The following TIAM2 variants were observed in gnomAD, a reference collection of about 807,000 sequenced individuals.
TIAM2 encodes the protein TIAM Rac1 associated GEF 2, also known as rho guanine nucleotide exchange factor TIAM2.
In TIAM2, 80 loss-of-function variants were observed where a neutral mutation model predicts 152.9. The ratio of observed to expected loss-of-function variants is 0.52; its 90% CI spans 0.44 to 0.63. The LOEUF (loss-of-function observed/expected upper bound fraction) is 0.63. Ranked by LOEUF, TIAM2 falls within the 30% of genes least tolerant of loss-of-function variation. TIAM2 has a pLI of 0.00. For synonymous variants in TIAM2, 804 were observed against 838.0 expected (o/e 0.96, Z 0.70); for missense variants, 1,965 against 2,120.1 (o/e 0.93, Z 1.44).
intron 1 of TIAM2, among the ~76,000 whole-genome samples, chr6:155,082,044 GATA>G (rs1778073246): frequency 6.6e-6 from 1 of 152,118 alleles, no homozygotes; most frequent in Non-Finnish European, 1.5e-5. Context: ...TAAAGAAAAG[GATA>G]ATATCGTACT....
At position 155,130,487 on chromosome 6, in the gene TIAM2, G is replaced by A. The variant is rs1042165702; in HGVS notation, c.1194+70G>A. The A allele has an allele frequency of 1.2e-5, 17 of 1,431,612 alleles. No individual in the cohort carries two copies. The African/African-American group carries it at 2.4e-4, about 21-fold the overall frequency. 88.7% of individuals were successfully genotyped at this position (1,431,612 alleles called of 1,614,324 possible). A position where few individuals can be genotyped will look rare whatever the true frequency, so the allele number is the denominator to read the frequency against. ...CACCTGGAGAAGGGGAAGGTTAGTA[G>A]AAGCCACCATAGAGTGTTGTCGGGG... On this transcript the variant is annotated intron_variant, in intron 4 of 26. Transcript: ENST00000682666.
intron 4 of TIAM2, among the ~76,000 whole-genome samples, chr6:155,135,748 A>G (rs1045829223): frequency 2.0e-5 from 3 of 152,144 alleles, no homozygotes; most frequent in East Asian, 1.9e-4. Context: ...CCTGTGTTTG[A>G]TTTTTGTGTT....
chr6:155,054,797 C>T (rs546068094), intron 1 of TIAM2, among the ~76,000 whole-genome samples: 10 of 152,066 alleles, frequency 6.6e-5, no homozygotes, highest in East Asian at 1.9e-4. Flanking sequence ...AAGGTTGTGT[C>T]GGTTTGTTGT....
chr6:155,184,833 C>T (rs190938377), intron 14 of TIAM2, among the ~76,000 whole-genome samples: 10 of 152,158 alleles, frequency 6.6e-5, no homozygotes, highest in African/African-American at 2.4e-4. Flanking sequence ...GGACTATTGG[C>T]ATATAAAAGT....
intron 9 of TIAM2, among the ~76,000 whole-genome samples, chr6:155,169,486 A>G (rs1037914262): frequency 1.3e-5 from 2 of 152,200 alleles, no homozygotes; most frequent in Non-Finnish European, 2.9e-5. Flanking sequence ...TGAAGTCATA[A>G]TAATATCTTT....
chr6:155,021,186 A>T lies in TIAM2; in HGVS notation c.-209+25694A>T, dbSNP rs377188758. The stretch of plus-strand genomic sequence containing the variant: ...GCTACTGTCAATATGGTAGCTATGA[A>T]CATGGCTGTACAAATATCTCTTCAA... On this transcript the variant is annotated intron_variant, in intron 1 of 26. Transcript: ENST00000682666. Among the ~76,000 whole-genome samples, 5 of 152,306 alleles carry T rather than the reference A, an allele frequency of 3.3e-5. No individual in the cohort carries two copies. The South Asian group carries it at 1.0e-3, about 32-fold the overall frequency.
At chr6:155,185,626 A>G (rs1037666044) in intron 14 of TIAM2, among the ~76,000 whole-genome samples, 5 of 152,042 alleles carry the variant, frequency 3.3e-5, no homozygotes, top group African/African-American at 1.2e-4. Context: ...CGGACTGTCT[A>G]ATCCTTTACA....
Position 155,126,389 on chromosome 6 carries a change from G to A in TIAM2, c.-117-1101G>A, listed in dbSNP as rs75681880. On this transcript the variant is annotated intron_variant, in intron 2 of 26. Transcript: ENST00000682666. ...GGAAAGAGTTCTGAAGATGGATGTC[G>A]GTGACGGTTGTACAACAGTGTACTT... Among the ~76,000 whole-genome samples, 84 of 152,238 alleles carry A rather than the reference G, an allele frequency of 5.5e-4. No individual in the cohort carries two copies. In the East Asian group the frequency reaches 0.015, roughly 27 times the overall value.
rs1328669086 is a variant in TIAM2 at position 155,214,628 on chromosome 6, C to CA, written c.3168+3325dup. Among the ~76,000 whole-genome samples, 4 of 152,196 alleles carry CA rather than the reference C, an allele frequency of 2.6e-5. No individual in the cohort carries two copies. The highest frequency in any genetic ancestry group is 5.9e-5 in the Non-Finnish European group (4 of 68,028). On this transcript the variant is annotated intron_variant, in intron 15 of 26. Transcript: ENST00000682666. The surrounding 1 kb of genome is among the most constrained non-coding windows in gnomAD (Gnocchi z 5.4). ...ATGTCCCAGGATGCAAGTTATTTTA[C>CA]AAAACTGAAATTCATCAGCATTTTT...
intron 14 of TIAM2, among the ~76,000 whole-genome samples, chr6:155,203,103 G>T: frequency 7.0e-6 from 1 of 142,768 alleles, no homozygotes; most frequent in Non-Finnish European, 1.5e-5. Flanking sequence ...CTTTGCAAAT[G>T]TTCAATGTGC....
intron 14 of TIAM2, among the ~76,000 whole-genome samples, chr6:155,198,917 G>A (rs1162908546): frequency 2.6e-5 from 4 of 152,062 alleles, no homozygotes; most frequent in Admixed American, 2.6e-4. Context: ...CCCCAGCTCT[G>A]GAGTCCTACT....
intron 14 of TIAM2, among the ~76,000 whole-genome samples, chr6:155,185,758 C>T (rs548182726): frequency 6.6e-6 from 1 of 152,236 alleles, no homozygotes; most frequent in African/African-American, 2.4e-5. Context: ...AGCCACTAAC[C>T]CTTTCCTGGT....
rs559307371 is a variant in TIAM2, at chr6:155,070,209, C to CTTTTTT, written c.-208-20056_-208-20051dup. 2.9e-3 allele frequency among the ~76,000 whole-genome samples: 127 copies of CTTTTTT among 44,144 alleles called. 16 individuals carry two copies. The highest frequency in any genetic ancestry group is 0.014 in the African/African-American group (118 of 8,320). 29.0% of individuals were successfully genotyped at this position (44,144 alleles called of 152,430 possible). ...GTATGAGCCACCGCGCCTGGCCAGA[C>CTTTTTT]TTTTTTTTTTTTTTTTTTTTTTTTT... On this transcript the variant is annotated intron_variant, in intron 1 of 26. Transcript: ENST00000682666.
intron 2 of TIAM2, among the ~76,000 whole-genome samples, chr6:155,096,166 A>G (rs1778416702): frequency 6.6e-6 from 1 of 152,222 alleles, no homozygotes; most frequent in Admixed American, 6.5e-5. Flanking sequence ...TAATTTGGAT[A>G]TAATGACCTA....
chr6:155,168,991 T>G (rs1445743441), intron 9 of TIAM2: 7 of 1,362,596 alleles, frequency 5.1e-6, no homozygotes, highest in African/African-American at 3.0e-5. Flanking sequence ...TGTTTTTTTT[T>G]GTTTGTTTTT....
chr6:155,089,835 C>T (rs997225090), intron 1 of TIAM2, among the ~76,000 whole-genome samples: 5 of 152,110 alleles, frequency 3.3e-5, no homozygotes, highest in Non-Finnish European at 7.4e-5. Context: ...TCAGTGAGAG[C>T]GAGATTTTCT....
chr6:155,129,025 C>T lies in TIAM2; in HGVS notation c.-6-193C>T. On this transcript the variant is annotated intron_variant, in intron 3 of 26. Transcript: ENST00000682666. This position sits in a 1 kb window ranked among gnomAD's most constrained non-coding sequence, Gnocchi z 4.8. ...TTAGCAGACAGGTGTGCAGTGTTGTCTGTCTAGCTAATGAGCAGCCTTGCA... is the reference window on the plus strand; with the variant it reads ...TTAGCAGACAGGTGTGCAGTGTTGTTTGTCTAGCTAATGAGCAGCCTTGCA... 1 of 589,186 alleles carries T rather than the reference C, an allele frequency of 1.7e-6. No homozygotes were observed. Among genetic ancestry groups the T allele is most frequent in the Non-Finnish European group, 3.0e-6 (1 of 332,736 alleles). 36.5% of individuals were successfully genotyped at this position (589,186 alleles called of 1,614,324 possible).
At chr6:155,073,727 G>T (rs1777895254) in intron 1 of TIAM2, among the ~76,000 whole-genome samples, 1 of 152,158 alleles carries the variant, frequency 6.6e-6, no homozygotes, top group African/African-American at 2.4e-5. Context: ...TACCCCGCTT[G>T]CTTATAATTA....
At chr6:155,226,116 G>A (rs528150460) in intron 15 of TIAM2, among the ~76,000 whole-genome samples, 1 of 152,292 alleles carries the variant, frequency 6.6e-6, no homozygotes, top group South Asian at 2.1e-4. Context: ...TAAGCATGAA[G>A]AGGATGTGAT....
Sources: allele counts gnomAD v4.1 joint callset (sites outside exome capture counted in the v4.1 genomes callset), GRCh38; gene constraint gnomAD v4.1.1; non-coding constraint Gnocchi (gnomAD v3.1); transcripts MANE v1.5; gene names NCBI Gene and HGNC (gene_info 2026-07-23, HGNC 2026-07-21).